The following BRINP1 variants were observed in gnomAD, a reference collection of about 807,000 sequenced individuals.
BRINP1 encodes BMP/retinoic acid inducible neural specific 1.
BRINP1 carries 17 observed loss-of-function variants against 72.9 expected under a neutral mutation model. The ratio of observed to expected loss-of-function variants is 0.23; its 90% confidence interval spans 0.16 to 0.35. BRINP1 has a LOEUF of 0.35. Ranked by LOEUF, BRINP1 falls within the 10% of genes least tolerant of loss-of-function variation. The pLI, the probability that BRINP1 is intolerant of heterozygous loss-of-function variation, is 1.00. For missense variants in BRINP1, 850 were observed against 1,001.6 expected, an observed-to-expected ratio of 0.85 and a Z score of 2.04; for synonymous variants, 418 against 378.5, an observed-to-expected ratio of 1.10 and a Z score of -1.21.
At chr9:119,172,308 A>T (rs1011227706) in intron 7 of BRINP1, among the ~76,000 whole-genome samples, 2 of 152,008 alleles carry the variant, frequency 1.3e-5, no homozygotes, top group African/African-American at 4.8e-5. Context: ...TATCACCACC[A>T]ATCCCACAGA....
Position 119,291,122 on chromosome 9 carries a change from C to CAA in BRINP1, c.218+22014_218+22015dup, listed in dbSNP as rs66505860. 3.9e-3 allele frequency among the ~76,000 whole-genome samples: 472 copies of CAA among 121,076 alleles called. 3 individuals are homozygous for CAA. The highest frequency in any genetic ancestry group is 0.013 in the African/African-American group (430 of 32,026). 79.4% of individuals were successfully genotyped at this position (121,076 alleles called of 152,430 possible). A position where few individuals can be genotyped will look rare whatever the true frequency, so the allele number is the denominator to read the frequency against. On this transcript the variant is annotated intron_variant, in intron 2 of 7. Transcript: ENST00000265922. ...AGGGCGACAAGAATGAACTCCATCT[C>CAA]AAAAAAAAAAAAAAAAAATTAGAAA...
In BRINP1 at chr9:119,242,103, G is replaced by A. The variant is rs1176514118; in HGVS notation, c.523C>T (p.Arg175Cys). The change falls in exon 4 of 8, where the codon CGT (arginine) becomes TGT (cysteine). Residue 175 changes from arginine to cysteine, a missense_variant. By Grantham distance (180) the Arg-to-Cys change is radical. Coordinates refer to ENST00000265922, the MANE Select transcript of BRINP1 (RefSeq NM_014618.3). ...HQLASSYFVD[R>C]DGTMRRLHEI... ...TGAAGCCTCCTCATGGTACCATCACGGTCAACAAAGTAGGATGATGCGAGC... is the reference window on the plus strand; with the variant it reads ...TGAAGCCTCCTCATGGTACCATCACAGTCAACAAAGTAGGATGATGCGAGC... The A allele has an allele frequency of 3.1e-6, 5 of 1,613,926 alleles. No homozygotes were observed. Among genetic ancestry groups the A allele is most frequent in the Admixed American group, 1.7e-5 (1 of 60,006 alleles).
At chr9:119,339,798 C>T (rs547847168) in intron 1 of BRINP1, among the ~76,000 whole-genome samples, 1 of 152,214 alleles carries the variant, frequency 6.6e-6, no homozygotes, top group African/African-American at 2.4e-5. Flanking sequence ...CCCACTACAG[C>T]ACAGCAAATG....
chr9:119,261,010 T>G (rs908061029), intron 2 of BRINP1, among the ~76,000 whole-genome samples: 15 of 152,122 alleles, frequency 9.9e-5, no homozygotes, highest in African/African-American at 3.6e-4. Flanking sequence ...AATTATTAAA[T>G]AATAATTTAA....
At chr9:119,330,503 G>C (rs958748080) in intron 1 of BRINP1, among the ~76,000 whole-genome samples, 3 of 152,124 alleles carry the variant, frequency 2.0e-5, no homozygotes, top group African/African-American at 7.2e-5. Context: ...ACACCAGTAG[G>C]AGTGAACCCT....
intron 1 of BRINP1, among the ~76,000 whole-genome samples, chr9:119,367,833 C>CCT (rs1215366520): frequency 6.6e-6 from 1 of 152,220 alleles, no homozygotes; most frequent in Admixed American, 6.5e-5. Flanking sequence ...TCTCTGTCTC[C>CCT]CTCTCTCTCG....
At chr9:119,207,548 A>G (rs1330977267) in intron 7 of BRINP1, among the ~76,000 whole-genome samples, 1 of 152,194 alleles carries the variant, frequency 6.6e-6, no homozygotes, top group Non-Finnish European at 1.5e-5. Context: ...TGCCTGTGCA[A>G]TAATACCCCT....
At chr9:119,362,237 T>C (rs368969220) in intron 1 of BRINP1, among the ~76,000 whole-genome samples, 16 of 152,238 alleles carry the variant, frequency 1.1e-4, no homozygotes, top group African/African-American at 3.4e-4. Context: ...GGGGTCTAGA[T>C]ATATAGTGAT....
At chr9:119,323,948 A>AC (rs5900395) in intron 1 of BRINP1, among the ~76,000 whole-genome samples, 2 of 151,982 alleles carry the variant, frequency 1.3e-5, no homozygotes, top group Non-Finnish European at 2.9e-5. Context: ...ATAGAGGTGA[A>AC]CCCCCCAAAT....
chr9:119,332,757 G>A (rs536691561), intron 1 of BRINP1, among the ~76,000 whole-genome samples: 7 of 152,270 alleles, frequency 4.6e-5, no homozygotes, highest in Non-Finnish European at 2.9e-5. Context: ...AGGAGCAAGA[G>A]CAGCCCAGCC....
intron 7 of BRINP1, among the ~76,000 whole-genome samples, chr9:119,201,954 C>T (rs886699785): frequency 6.6e-6 from 1 of 152,060 alleles, no homozygotes; most frequent in African/African-American, 2.4e-5. Context: ...GCATCCCTCC[C>T]TTCCGTCCTT....
intron 1 of BRINP1, among the ~76,000 whole-genome samples, chr9:119,355,636 G>A: frequency 6.6e-6 from 1 of 151,836 alleles, no homozygotes; most frequent in African/African-American, 2.4e-5. Flanking sequence ...AGCTGAGGCA[G>A]GAGAATGGTG....
chr9:119,198,708 A>G (rs1008591648), intron 7 of BRINP1, among the ~76,000 whole-genome samples: 3 of 147,772 alleles, frequency 2.0e-5, no homozygotes, highest in African/African-American at 7.6e-5. Context: ...GTCTTGCTCT[A>G]TTGCCCAGGC....
intron 1 of BRINP1, among the ~76,000 whole-genome samples, chr9:119,330,836 A>G (rs1010026312): frequency 6.6e-6 from 1 of 151,954 alleles, no homozygotes; most frequent in African/African-American, 2.4e-5. Context: ...GACCAGCCTG[A>G]CCAGCATAGT....
At chr9:119,325,676 C>T (rs1252898470) in intron 1 of BRINP1, among the ~76,000 whole-genome samples, 4 of 151,742 alleles carry the variant, frequency 2.6e-5, no homozygotes, top group African/African-American at 4.9e-5. Context: ...TGTCTGTCTA[C>T]CACCTCCATC....
At chr9:119,212,521 G>T (rs1829939502) in intron 6 of BRINP1, among the ~76,000 whole-genome samples, 1 of 152,180 alleles carries the variant, frequency 6.6e-6, no homozygotes, top group African/African-American at 2.4e-5. Context: ...TACCAATCCT[G>T]CCATTTACTA....
intron 1 of BRINP1, among the ~76,000 whole-genome samples, chr9:119,345,256 A>G (rs1190478384): frequency 3.3e-5 from 5 of 152,104 alleles, no homozygotes; most frequent in Non-Finnish European, 7.4e-5. Flanking sequence ...TCTTAACTCC[A>G]TGTTAGACTT....
intron 2 of BRINP1, among the ~76,000 whole-genome samples, chr9:119,296,964 A>T (rs72761747): frequency 0.042 from 6,412 of 152,264 alleles, 194 homozygotes; most frequent in Non-Finnish European, 0.064. Context: ...GACTATAGTT[A>T]AAAATGCTAT....
At chr9:119,249,856 G>GAAAGGAAGGAAGGA (rs1830362066) in intron 2 of BRINP1, among the ~76,000 whole-genome samples, 1 of 16,204 alleles carries the variant, frequency 6.2e-5, no homozygotes, top group African/African-American at 3.4e-4. Context: ...GGAAGGAAGG[G>GAAAGGAAGGAAGGA]AGGGAGGGAG....
Sources: allele counts gnomAD v4.1 joint callset (sites outside exome capture counted in the v4.1 genomes callset), GRCh38; gene constraint gnomAD v4.1.1; transcripts MANE v1.5; gene names NCBI Gene and HGNC (gene_info 2026-07-23, HGNC 2026-07-21).